The following DCAF17 variants were observed in gnomAD, a reference collection of about 807,000 sequenced individuals.
DCAF17 encodes DDB1- and CUL4-associated factor 17.
A neutral mutation model predicts 66.0 loss-of-function variants in DCAF17; 48 were observed. That is an observed-to-expected ratio of 0.73 (90% CI 0.58 to 0.92). The LOEUF is 0.92. Among genes scored for constraint, DCAF17 ranks in the 40% least tolerant of loss-of-function variants. The pLI, the probability that DCAF17 is intolerant of heterozygous loss-of-function variation, is 0.00. For missense variants in DCAF17, 562 were observed against 622.8 expected, an observed-to-expected ratio of 0.90 and a Z score of 1.04; for synonymous variants, 206 against 214.6, an observed-to-expected ratio of 0.96 and a Z score of 0.35.
chr2:171,466,552 T>G (rs533128332), intron 8 of DCAF17, among the ~76,000 whole-genome samples: 67 of 150,816 alleles, frequency 4.4e-4, no homozygotes, highest in African/African-American at 1.4e-3. Context: ...AGACATGGAA[T>G]CAGCTACTCT....
chr2:171,443,481 G>A, intron 2 of DCAF17, 42 bp from the exon 3 acceptor site: 1 of 1,529,886 alleles, frequency 6.5e-7, no homozygotes, highest in South Asian at 1.1e-5. Context: ...ATACTGTCTT[G>A]GTTATCAAGA....
chr2:171,448,687 A>G lies in DCAF17; in HGVS notation c.328A>G (p.Ile110Val). The G allele has an allele frequency of 6.3e-7, 1 of 1,582,760 alleles. No homozygotes were observed. The highest frequency in any genetic ancestry group is 8.6e-7 in the Non-Finnish European group (1 of 1,167,010). The change falls in exon 4 of 14, where the codon ATA becomes GTA. Residue 110 changes from isoleucine to valine, a missense_variant. Ile to Val is a conservative substitution (Grantham distance 29). Around this residue, in one of 3 missense-constraint regions of DCAF17, gnomAD observed 348 missense variants for 355.9 expected, o/e 0.98. Coordinates refer to ENST00000375255, the MANE Select transcript of DCAF17 (RefSeq NM_025000.4). ...TCTCTCTTTTTTTTTTTAGGGAGAT[A>G]TACTTCCCAATTCATCAGATTATAA... ...ALLWECPVGD[I>V]LPNSSDYKSS...
intron 8 of DCAF17, among the ~76,000 whole-genome samples, chr2:171,465,648 T>A (rs148088011): frequency 0.016 from 2,507 of 152,060 alleles, 31 homozygotes; most frequent in Non-Finnish European, 0.026. Context: ...CCTGGCTAAT[T>A]GTTTTTTTGT....
In DCAF17 at chr2:171,449,009, C is replaced by CT. The variant is rs1232925302; in HGVS notation, c.458+202dup. Among the ~76,000 whole-genome samples, 452 of 148,988 alleles carry CT rather than the reference C, an allele frequency of 3.0e-3. 5 individuals are homozygous for CT. Among genetic ancestry groups the CT allele is most frequent in the African/African-American group, 0.01 (412 of 40,616 alleles). ...AGTATAGAGACCCTCTATCATTTGT[C>CT]TTTTTTTTTTCTTTTTTAAGACAAG... On this transcript the variant is annotated intron_variant, in intron 4 of 13. Coordinates refer to ENST00000375255, the MANE Select transcript of DCAF17 (RefSeq NM_025000.4).
chr2:171,465,884 T>A (rs1695868673), intron 8 of DCAF17, among the ~76,000 whole-genome samples: 1 of 152,224 alleles, frequency 6.6e-6, no homozygotes, highest in African/African-American at 2.4e-5. Flanking sequence ...TGGTTTATCT[T>A]ACTATTGTTT....
intron 2 of DCAF17, chr2:171,443,100 A>G (rs1276211852): frequency 1.3e-5 from 2 of 152,186 alleles, no homozygotes; most frequent in Non-Finnish European, 1.5e-5. Context: ...TTCATTCTAA[A>G]ATAATGGGAC....
chr2:171,470,829 G>A (rs1981788), intron 9 of DCAF17, among the ~76,000 whole-genome samples: 30,642 of 151,966 alleles, frequency 0.2, 3,234 homozygotes, highest in South Asian at 0.28. Flanking sequence ...AGATACAGCC[G>A]GCCTTCTATA....
rs776847935 is a variant in DCAF17 at position 171,481,664 on chromosome 2, C to T, written c.*550C>T. On this transcript the variant is annotated 3_prime_UTR_variant, in exon 14 of 14. Transcript: ENST00000375255. ...CTTATATATGTATTTATATGTGTTTCGTATTTGTATATAGTATCAGGAATT... is the reference window on the plus strand; with the variant it reads ...CTTATATATGTATTTATATGTGTTTTGTATTTGTATATAGTATCAGGAATT... 7.5e-5 allele frequency: 34 copies of T among 453,216 alleles called. 1 individual carries two copies. The highest frequency in any genetic ancestry group is 6.9e-4 in the Middle Eastern group (1 of 1,440). The allele number at this position is 453,216 out of a possible 1,614,324, so 28.1% of individuals were successfully genotyped here.
At chr2:171,479,646 C>CT (rs1696650348) in intron 12 of DCAF17, 1 of 235,276 alleles carries the variant, frequency 4.3e-6, no homozygotes, top group African/African-American at 2.3e-5. Context: ...AGTGAGCAGT[C>CT]TTTAGGTTTC....
intron 5 of DCAF17, among the ~76,000 whole-genome samples, chr2:171,451,743 T>A (rs1473761545): frequency 6.6e-6 from 1 of 152,044 alleles, no homozygotes; most frequent in Non-Finnish European, 1.5e-5. Context: ...GCCCAGCTAA[T>A]TTTTGTATTT....
Position 171,434,601 on chromosome 2 carries a change from C to T in DCAF17, c.24C>T (p.Asn8=), listed in dbSNP as rs1191856995. The T allele has an allele frequency of 5.2e-6, 8 of 1,527,636 alleles. No individual in the cohort carries two copies. The highest frequency in any genetic ancestry group is 7.0e-6 in the Non-Finnish European group (8 of 1,144,162). The allele number at this position is 1,527,636 out of a possible 1,614,324, so 94.6% of individuals were successfully genotyped here. A position where few individuals can be genotyped will look rare whatever the true frequency, so the allele number is the denominator to read the frequency against. The change falls in exon 1 of 14, where the codon AAC becomes AAT. Residue 8 remains asparagine, a synonymous_variant. Coordinates refer to ENST00000375255, the MANE Select transcript of DCAF17 (RefSeq NM_025000.4). ...CCATGGGCCCGACCCGGAAGCCCAA[C>T]GTGTGCAGCCGGCTGAGTCGCCGGG... The part of the protein sequence containing the change: MGPTRKP[N]VCSRLSRRAL...
Position 171,480,958 on chromosome 2 carries a change from T to C in DCAF17, c.1423-16T>C. Reference sequence around the variant, plus strand: ...GCTGTGTGAAAAGGACTCCATATGATTGTGTTTTGTTACAGACATATAGCC... The same window carrying C: ...GCTGTGTGAAAAGGACTCCATATGACTGTGTTTTGTTACAGACATATAGCC... On this transcript the variant is annotated splice_polypyrimidine_tract_variant and intron_variant, in intron 13 of 13. Transcript: ENST00000375255. 1 of 1,613,502 alleles carries C rather than the reference T, an allele frequency of 6.2e-7. No homozygotes were observed. The highest frequency in any genetic ancestry group is 8.5e-7 in the Non-Finnish European group (1 of 1,179,470).
chr2:171,458,040 G>C lies in DCAF17; in HGVS notation c.697G>C (p.Val233Leu), dbSNP rs772824611. The C allele has an allele frequency of 1.2e-6, 2 of 1,614,022 alleles. No homozygotes were observed. Among genetic ancestry groups the C allele is most frequent in the African/African-American group, 1.3e-5 (1 of 75,024 alleles). The change falls in exon 7 of 14, where the codon GTC (valine) becomes CTC (leucine). Residue 233 changes from valine to leucine, a missense_variant. Around this residue, in one of 3 missense-constraint regions of DCAF17, gnomAD observed 348 missense variants for 355.9 expected, o/e 0.98. Coordinates refer to ENST00000375255, the MANE Select transcript of DCAF17 (RefSeq NM_025000.4). ...ILIVMYSSGL[V>L]RLYSFQTIAE... ...GATTGTGATGTACAGCTCAGGACTG[G>C]TCAGACTCTATAGCTTCCAAACCAT...
intron 5 of DCAF17, among the ~76,000 whole-genome samples, chr2:171,450,741 C>A (rs1406435031): frequency 6.6e-6 from 1 of 152,144 alleles, no homozygotes; most frequent in South Asian, 2.1e-4. Flanking sequence ...AGCTGTTTCT[C>A]ACTAGTGTCC....
intron 3 of DCAF17, among the ~76,000 whole-genome samples, chr2:171,444,107 C>T (rs1694477838): frequency 1.3e-5 from 2 of 152,158 alleles, no homozygotes; most frequent in South Asian, 2.1e-4. Context: ...TAACGGGTGT[C>T]AGAGGAGTTA....
intron 10 of DCAF17, among the ~76,000 whole-genome samples, chr2:171,475,419 C>G (rs1313553732): frequency 1.3e-5 from 2 of 151,956 alleles, no homozygotes; most frequent in African/African-American, 4.8e-5. Flanking sequence ...ACCTATAACC[C>G]CAGCACTAAG....
chr2:171,435,275 C>A (rs1693798116), intron 2 of DCAF17, 89 bp downstream of exon 2: 2 of 983,476 alleles, frequency 2.0e-6, no homozygotes, highest in Non-Finnish European at 3.2e-6. Context: ...ACATTAGTGC[C>A]TAGTGAAATA....
At chr2:171,450,315 T>C (rs1299936964) in intron 5 of DCAF17, among the ~76,000 whole-genome samples, 2 of 152,130 alleles carry the variant, frequency 1.3e-5, no homozygotes, top group African/African-American at 4.8e-5. Context: ...CACCAAAATC[T>C]GAGAAATCAC....
At chr2:171,457,904 C>T in intron 6 of DCAF17, 67 bp from the exon 7 acceptor site, 3 of 1,231,256 alleles carry the variant, frequency 2.4e-6, no homozygotes, top group South Asian at 2.4e-5. Flanking sequence ...GTACAAACCA[C>T]TGTGAACATT....
Sources: allele counts gnomAD v4.1 joint callset (sites outside exome capture counted in the v4.1 genomes callset), GRCh38; gene constraint gnomAD v4.1.1; regional missense constraint gnomAD v4.1.1; transcripts MANE v1.5; gene names NCBI Gene and HGNC (gene_info 2026-07-23, HGNC 2026-07-21).